Variants in MLXIPL observed in about 807,000 individuals in gnomAD.
MLXIPL encodes MLX interacting protein like, also known as carbohydrate-responsive element-binding protein.
Under a neutral mutation model 81.5 loss-of-function variants are expected in MLXIPL, and 49 were observed. The observed-to-expected ratio is 0.60, with a 90% confidence interval of 0.48 to 0.76. The LOEUF (loss-of-function observed/expected upper bound fraction) is 0.76, where lower values mean the gene tolerates loss of function less well. Among genes scored for constraint, MLXIPL ranks in the 30% least tolerant of loss-of-function variants. The pLI is 0.00. For synonymous variants in MLXIPL, 466 were observed against 485.5 expected, an observed-to-expected ratio of 0.96 and a Z score of 0.53; for missense variants, 1,053 against 1,167.0, an observed-to-expected ratio of 0.90 and a Z score of 1.42.
upstream of MLXIPL, among the ~76,000 whole-genome samples, chr7:73,629,103 C>T (rs1796796902): frequency 6.6e-6 from 1 of 151,102 alleles, no homozygotes; most frequent in Admixed American, 6.6e-5. Flanking sequence ...AGTGCAGTGG[C>T]GTGATCTCAG....
chr7:73,600,814 G>A (rs1443650585), intron 7 of MLXIPL, among the ~76,000 whole-genome samples: 17 of 151,858 alleles, frequency 1.1e-4, no homozygotes, highest in African/African-American at 4.1e-4. Flanking sequence ...AGGCAGTAGC[G>A]GATTGTTTGG....
chr7:73,640,531 C>A, the MLXIPL span, among the ~76,000 whole-genome samples: 1 of 151,796 alleles, frequency 6.6e-6, no homozygotes, highest in East Asian at 1.9e-4. Flanking sequence ...AATCCCAGCA[C>A]TTTGGGAGGC....
At chr7:73,606,428 C>CTTTTTCT (rs1795287266) in intron 5 of MLXIPL, 2 of 302,030 alleles carry the variant, frequency 6.6e-6, no homozygotes, top group Non-Finnish European at 1.2e-5. Flanking sequence ...TTTTCTTTTT[C>CTTTTTCT]TTTTTTTTTT....
chr7:73,618,260 C>T (rs1796115157), intron 1 of MLXIPL, among the ~76,000 whole-genome samples: 1 of 152,208 alleles, frequency 6.6e-6, no homozygotes, highest in African/African-American at 2.4e-5. Flanking sequence ...TGACACCCAG[C>T]TCACTTTTGT....
At chr7:73,642,246 C>A in the MLXIPL span, among the ~76,000 whole-genome samples, 6 of 152,112 alleles carry the variant, frequency 3.9e-5, no homozygotes, top group Non-Finnish European at 7.3e-5. Context: ...AGCTTCCATG[C>A]CCTCTCTGGG....
At chr7:73,641,891 C>T in the MLXIPL span, among the ~76,000 whole-genome samples, 20 of 152,184 alleles carry the variant, frequency 1.3e-4, no homozygotes, top group Admixed American at 2.0e-4. Context: ...ACCTCAGCCT[C>T]CCAAAGTGCT....
intron 7 of MLXIPL, among the ~76,000 whole-genome samples, chr7:73,601,176 A>AGTGTGT (rs55639253): frequency 0.051 from 7,040 of 137,596 alleles, 154 homozygotes; most frequent in Middle Eastern, 0.11. Flanking sequence ...TGCAGGGTCA[A>AGTGTGT]GTGTGTGTGT....
chr7:73,636,427 C>T, the MLXIPL span, among the ~76,000 whole-genome samples: 1 of 148,968 alleles, frequency 6.7e-6, no homozygotes, highest in Non-Finnish European at 1.5e-5. Context: ...AAAAAAAAGA[C>T]GAAGTGAGAA....
At chr7:73,630,308 A>T in the MLXIPL span, among the ~76,000 whole-genome samples, 459 of 18,712 alleles carry the variant, frequency 0.025, 6 homozygotes, top group African/African-American at 0.095. Flanking sequence ...TTTTTTTTTG[A>T]GATGGAGTCT....
chr7:73,605,247 C>T (rs1193586433), intron 7 of MLXIPL, among the ~76,000 whole-genome samples: 2 of 152,018 alleles, frequency 1.3e-5, no homozygotes, highest in African/African-American at 2.4e-5. Context: ...AAAAGGAGAC[C>T]AGGAAGAACC....
At chr7:73,641,966 C>T in the MLXIPL span, among the ~76,000 whole-genome samples, 4 of 152,046 alleles carry the variant, frequency 2.6e-5, no homozygotes, top group African/African-American at 9.6e-5. Flanking sequence ...AGTTAGCATC[C>T]GATTTCACAA....
At chr7:73,632,779 C>T in the MLXIPL span, among the ~76,000 whole-genome samples, 1 of 114,248 alleles carries the variant, frequency 8.8e-6, no homozygotes, top group Non-Finnish European at 1.9e-5. Context: ...TCCTTCCTTC[C>T]TTCCTTCCTT....
chr7:73,644,187 T>C, the MLXIPL span, among the ~76,000 whole-genome samples: 4 of 151,524 alleles, frequency 2.6e-5, no homozygotes, highest in Non-Finnish European at 5.9e-5. Flanking sequence ...TGTGAGCCAC[T>C]GCACCTGGCT....
chr7:73,599,670 TG>T lies in MLXIPL; in HGVS notation c.926del (p.Pro309HisfsTer39). 4 of 1,607,196 alleles carry T rather than the reference TG, an allele frequency of 2.5e-6. No homozygotes were observed. Among genetic ancestry groups the T allele is most frequent in the Non-Finnish European group, 3.4e-6 (4 of 1,176,486 alleles). On this transcript the variant is annotated frameshift_variant, in exon 8 of 17. Coordinates refer to ENST00000313375, the MANE Select transcript of MLXIPL (RefSeq NM_032951.3). LOFTEE classifies it high-confidence loss of function. Reference sequence around the variant, plus strand: ...GGAAGTTTGAAGGCATGGGCGGCTGTGGGAGGCGGGAGTTGGTAAAGAAATC... The same window carrying T: ...GGAAGTTTGAAGGCATGGGCGGCTGTGGAGGCGGGAGTTGGTAAAGAAATC... Reference protein sequence around the residue: ...ISDFFTNSRLPQPPMPSNFPE... With the variant: ...ISDFFTNSRLXQPPMPSNFPE...
the MLXIPL span, among the ~76,000 whole-genome samples, chr7:73,631,557 A>ATTTTTTTTTTTTTTTTTTT: frequency 2.4e-5 from 2 of 84,502 alleles, no homozygotes; most frequent in Non-Finnish European, 5.1e-5. Context: ...GGATGTTGCT[A>ATTTTTTTTTTTTTTTTTTT]CTTTTTTTTT....
chr7:73,606,329 A>G, intron 5 of MLXIPL: 2 of 602,814 alleles, frequency 3.3e-6, no homozygotes, highest in Non-Finnish European at 5.9e-6. Context: ...GGATGCAGAT[A>G]CAGGGGTCCC....
At chr7:73,637,687 T>C in the MLXIPL span, among the ~76,000 whole-genome samples, 1 of 152,050 alleles carries the variant, frequency 6.6e-6, no homozygotes, top group Non-Finnish European at 1.5e-5. Context: ...ATGGCAGGGC[T>C]GAGATTTGAA....
At chr7:73,642,928 G>C in the MLXIPL span, among the ~76,000 whole-genome samples, 17,214 of 152,306 alleles carry the variant, frequency 0.11, 1,222 homozygotes, top group Non-Finnish European at 0.16. Flanking sequence ...GGTCTTTCTA[G>C]TGAACAGCCC....
At chr7:73,606,288 C>T in intron 5 of MLXIPL, 177 bp from the exon 6 acceptor site, 1 of 664,532 alleles carries the variant, frequency 1.5e-6, no homozygotes, top group Non-Finnish European at 2.7e-6. Context: ...ACTCCATTGG[C>T]CTCTAAGAAC....
Sources: allele counts gnomAD v4.1 joint callset (sites outside exome capture counted in the v4.1 genomes callset), GRCh38; gene constraint gnomAD v4.1.1; transcripts MANE v1.5; gene names NCBI Gene and HGNC (gene_info 2026-07-23, HGNC 2026-07-21).